LRRC4C: variants seen among roughly 807,000 people sequenced by gnomAD.
The protein encoded by LRRC4C is leucine rich repeat containing 4C.
Under a neutral mutation model 33.6 loss-of-function variants are expected in LRRC4C, and 5 were observed. That is an observed-to-expected ratio of 0.15 (90% CI 0.08 to 0.31). The LOEUF is 0.31. LRRC4C is among the 10% of genes least tolerant of loss of function. LRRC4C has a pLI of 1.00. For synonymous variants in LRRC4C, 329 were observed against 302.0 expected, an observed-to-expected ratio of 1.09 and a Z score of -0.93; for missense variants, 560 against 796.7, an observed-to-expected ratio of 0.70 and a Z score of 3.58.
At chr11:40,235,113 T>C (rs961339034) in intron 5 of LRRC4C, among the ~76,000 whole-genome samples, 5 of 152,228 alleles carry the variant, frequency 3.3e-5, no homozygotes, top group Admixed American at 3.3e-4. Context: ...GCAATTTCCT[T>C]AGTTATAATT....
chr11:41,081,211 C>T (rs1939543249), intron 1 of LRRC4C, among the ~76,000 whole-genome samples: 1 of 152,084 alleles, frequency 6.6e-6, no homozygotes, highest in South Asian at 2.1e-4. Context: ...AGTAAGCAAG[C>T]AAGTAATTGA....
intron 1 of LRRC4C, among the ~76,000 whole-genome samples, chr11:41,128,571 A>C: frequency 6.6e-6 from 1 of 152,084 alleles, no homozygotes; most frequent in East Asian, 1.9e-4. Flanking sequence ...CTGACCAATA[A>C]GTAATGCATT....
chr11:41,083,614 T>C (rs937249974), intron 1 of LRRC4C, among the ~76,000 whole-genome samples: 1 of 152,214 alleles, frequency 6.6e-6, no homozygotes, highest in African/African-American at 2.4e-5. Context: ...ACTACTGTGA[T>C]ATCAAAATGA....
intron 2 of LRRC4C, among the ~76,000 whole-genome samples, chr11:40,668,298 GGA>G (rs2136253900): frequency 6.6e-6 from 1 of 152,218 alleles, no homozygotes; most frequent in Non-Finnish European, 1.5e-5. Context: ...TTTAAAACAT[GGA>G]AAGAGTTATG....
At chr11:41,303,263 G>T (rs1272832526) in intron 1 of LRRC4C, among the ~76,000 whole-genome samples, 12 of 145,990 alleles carry the variant, frequency 8.2e-5, no homozygotes, top group Admixed American at 7.6e-4. Context: ...ACGCCTGACT[G>T]GTTTTGGTGG....
At chr11:40,948,491 A>G (rs1958521576) in intron 1 of LRRC4C, among the ~76,000 whole-genome samples, 1 of 145,254 alleles carries the variant, frequency 6.9e-6, no homozygotes, top group Non-Finnish European at 1.5e-5. Flanking sequence ...AGCATTAGGT[A>G]TATCTCCCAA....
chr11:40,937,808 T>TTTG (rs1221552849), intron 1 of LRRC4C, among the ~76,000 whole-genome samples: 5 of 151,938 alleles, frequency 3.3e-5, no homozygotes, highest in Admixed American at 2.0e-4. Context: ...TGCCCAGCTT[T>TTTG]TTGTTGTTGT....
intron 2 of LRRC4C, among the ~76,000 whole-genome samples, chr11:40,726,475 T>C (rs1947297821): frequency 6.6e-6 from 1 of 152,210 alleles, no homozygotes. Flanking sequence ...CCTTCATTCC[T>C]GGGAAGCAAG....
At chr11:40,472,288 T>A (rs973081879) in intron 3 of LRRC4C, among the ~76,000 whole-genome samples, 3 of 150,484 alleles carry the variant, frequency 2.0e-5, no homozygotes, top group African/African-American at 4.9e-5. Context: ...TCAAAATAAA[T>A]AAATAAATAA....
chr11:41,234,996 A>G (rs950504803), intron 1 of LRRC4C, among the ~76,000 whole-genome samples: 2 of 152,008 alleles, frequency 1.3e-5, no homozygotes, highest in African/African-American at 4.8e-5. Flanking sequence ...GAGGACTATA[A>G]TAACCTAAAT....
In LRRC4C at chr11:40,229,164, C is replaced by G. The variant is rs567643070; in HGVS notation, c.-96+12355G>C. 2.4e-3 allele frequency among the ~76,000 whole-genome samples: 358 copies of G among 152,218 alleles called. 2 individuals carry two copies. The highest frequency in any genetic ancestry group is 8.4e-3 in the African/African-American group (349 of 41,532). On this transcript the variant is annotated intron_variant, in intron 5 of 6. Transcript: ENST00000528697. ...TTCAAGGAATAATTGTCTTCTTTAT[C>G]TATTCCTCACCCTCTACACAGCCTT...
chr11:41,303,055 G>A (rs188786121), intron 1 of LRRC4C, among the ~76,000 whole-genome samples: 1 of 151,476 alleles, frequency 6.6e-6, no homozygotes, highest in African/African-American at 2.4e-5. Flanking sequence ...TGTTTATATG[G>A]ATTTTTAGAA....
chr11:40,167,172 G>T (rs1859663560), intron 5 of LRRC4C, among the ~76,000 whole-genome samples: 1 of 152,118 alleles, frequency 6.6e-6, no homozygotes, highest in African/African-American at 2.4e-5. Context: ...CTAGAATTCT[G>T]CAAATTGCTT....
intron 1 of LRRC4C, among the ~76,000 whole-genome samples, chr11:41,138,940 C>G (rs76292778): frequency 0.013 from 1,945 of 152,170 alleles, 51 homozygotes; most frequent in African/African-American, 0.044. Context: ...CTAAGAATAC[C>G]TAGCTTCCCC....
intron 1 of LRRC4C, among the ~76,000 whole-genome samples, chr11:41,414,402 T>G (rs1954602832): frequency 6.6e-6 from 1 of 152,126 alleles, no homozygotes; most frequent in African/African-American, 2.4e-5. Context: ...GAGAAAAAAG[T>G]CTGGTGTCAC....
rs72883408 is a variant in LRRC4C, at chr11:40,527,228, T to C, written c.-270+120914A>G. Reference sequence around the variant, plus strand: ...AAGAGTATACTAACTTCATAAAAATTCATCAAGCTATTCACCTATGTTTGT... The same window carrying C: ...AAGAGTATACTAACTTCATAAAAATCCATCAAGCTATTCACCTATGTTTGT... On this transcript the variant is annotated intron_variant, in intron 3 of 6. Transcript: ENST00000528697. Among the ~76,000 whole-genome samples the C allele has an allele frequency of 3.6e-3, 544 of 152,278 alleles. 2 individuals carry two copies. Among genetic ancestry groups the C allele is most frequent in the Non-Finnish European group, 6.0e-3 (406 of 68,032 alleles).
chr11:40,996,910 T>C (rs1854017321), intron 1 of LRRC4C, among the ~76,000 whole-genome samples: 1 of 152,108 alleles, frequency 6.6e-6, no homozygotes, highest in Admixed American at 6.6e-5. Context: ...GCCAAACATA[T>C]GCTACTAGGC....
intron 1 of LRRC4C, among the ~76,000 whole-genome samples, chr11:41,074,183 A>T (rs1590440957): frequency 1.3e-5 from 2 of 152,242 alleles, no homozygotes; most frequent in East Asian, 3.8e-4. Flanking sequence ...AAACTCCACA[A>T]GATGAAAAAC....
intron 3 of LRRC4C, among the ~76,000 whole-genome samples, chr11:40,640,601 T>C (rs554826481): frequency 2.0e-5 from 3 of 152,298 alleles, no homozygotes; most frequent in Middle Eastern, 3.4e-3. Flanking sequence ...AAAAATTGTT[T>C]TTTATTTCTA....
Sources: allele counts gnomAD v4.1 joint callset (sites outside exome capture counted in the v4.1 genomes callset), GRCh38; gene constraint gnomAD v4.1.1; transcripts MANE v1.5; gene names NCBI Gene and HGNC (gene_info 2026-07-23, HGNC 2026-07-21).